BRMS1L: variants seen among roughly 807,000 people sequenced by gnomAD.
The protein encoded by BRMS1L is breast cancer metastasis-suppressor 1-like protein.
In BRMS1L, 23 loss-of-function variants were observed where a neutral mutation model predicts 50.3. That is an observed-to-expected ratio of 0.46 (90% CI 0.33 to 0.65). The LOEUF is 0.65. Ranked by LOEUF, BRMS1L falls within the 30% of genes least tolerant of loss-of-function variation. The pLI is 0.02. For synonymous variants in BRMS1L, 114 were observed against 126.9 expected (o/e 0.90, Z 0.69); for missense variants, 286 against 386.1 (o/e 0.74, Z 2.17).
At position 35,835,190 on chromosome 14, in the gene BRMS1L, C is replaced by T. The variant is rs189288320; in HGVS notation, c.441+267C>T. Among the ~76,000 whole-genome samples, 205 of 152,172 alleles carry T rather than the reference C, an allele frequency of 1.3e-3. 1 individual carries two copies. Among genetic ancestry groups the T allele is most frequent in the Non-Finnish European group, 8.2e-4 (56 of 68,000 alleles). On this transcript the variant is annotated intron_variant, in intron 4 of 9. Transcript: ENST00000216807. ...AAAAGACTTTGCAACGATTATGTCA[C>T]CTGGCATTACTGAAAATATTAGTAT...
At position 35,862,601 on chromosome 14, in the gene BRMS1L, G is replaced by A; in HGVS notation, c.453G>A (p.Leu151=). The change falls in exon 5 of 10, where the codon CTG becomes CTA. Residue 151 remains leucine, a synonymous_variant. Transcript: ENST00000216807. The stretch of plus-strand genomic sequence containing the variant: ...GTTTTTCTCCCCAGAGCGAAAAGCT[G>A]TTGCTATATGATACAGTCCAGAGTG... ...ASRQHCESEK[L]LLYDTVQSEL... The A allele has an allele frequency of 6.3e-7, 1 of 1,590,318 alleles. No homozygotes were observed. The highest frequency in any genetic ancestry group is 8.6e-7 in the Non-Finnish European group (1 of 1,168,194).
intron 8 of BRMS1L, 133 bp downstream of exon 8, chr14:35,865,894 G>T: frequency 3.8e-6 from 3 of 792,916 alleles, no homozygotes; most frequent in Non-Finnish European, 4.0e-6. Flanking sequence ...GAAATTATGA[G>T]GAATTCTTCT....
At position 35,863,883 on chromosome 14, in the gene BRMS1L, T is replaced by C; in HGVS notation, c.552T>C (p.Asp184=). The change falls in exon 6 of 10, where the codon GAT becomes GAC. Residue 184 remains aspartate, a synonymous_variant. Coordinates refer to ENST00000216807, the MANE Select transcript of BRMS1L (RefSeq NM_032352.4). Reference sequence around the variant, plus strand: ...TTTACCTGCCAGAGCTGTGGAATGATGAGCTTCAGTCAAGAAAAAAGAGGA... The same window carrying C: ...TTTACCTGCCAGAGCTGTGGAATGACGAGCTTCAGTCAAGAAAAAAGAGGA... ...SIDITSELWN[D]ELQSRKKRKD... is the part of the protein sequence containing the mutation. 1 of 1,613,984 alleles carries C rather than the reference T, an allele frequency of 6.2e-7. No individual in the cohort carries two copies. Among genetic ancestry groups the C allele is most frequent in the Non-Finnish European group, 8.5e-7 (1 of 1,179,916 alleles).
At chr14:35,863,837 C>G (rs1163207669) in intron 5 of BRMS1L, 33 bp from the exon 6 acceptor site, 3 of 1,572,656 alleles carry the variant, frequency 1.9e-6, no homozygotes, top group Non-Finnish European at 2.6e-6. Context: ...TCACCAGAAA[C>G]CCACTAATAC....
At position 35,826,633 on chromosome 14, in the gene BRMS1L, G is replaced by C. The variant is rs1041562211; in HGVS notation, c.117G>C (p.Ser39=). ...SSEDEDTESS[S]VSEDGDSSEM... ...AGGACGAGGACACTGAGAGCTCGTC[G>C]GTCTCCGAGGATGGAGATAGCTCAG... Residue 39 remains serine, a synonymous_variant, in exon 1 of 10, where the codon TCG becomes TCC. Coordinates refer to ENST00000216807, the MANE Select transcript of BRMS1L (RefSeq NM_032352.4). 2 of 1,612,342 alleles carry C rather than the reference G, an allele frequency of 1.2e-6. No homozygotes were observed. The highest frequency in any genetic ancestry group is 1.1e-5 in the South Asian group (1 of 90,530).
chr14:35,830,580 A>G (rs545325391), intron 1 of BRMS1L, among the ~76,000 whole-genome samples: 1 of 151,372 alleles, frequency 6.6e-6, no homozygotes, highest in South Asian at 2.1e-4. Flanking sequence ...CTGGTCTTGA[A>G]CGCTTGAGCT....
Position 35,870,520 on chromosome 14 carries a change from C to A in BRMS1L, c.*43C>A. On this transcript the variant is annotated 3_prime_UTR_variant, in exon 10 of 10. Transcript: ENST00000216807. ...TCTAAATTTACCTTATTAGTGTTAC[C>A]AAATGTAAGTGCCATGAGAGTAAAA... 1 of 1,218,230 alleles carries A rather than the reference C, an allele frequency of 8.2e-7. No homozygotes were observed. The highest frequency in any genetic ancestry group is 1.2e-6 in the Non-Finnish European group (1 of 841,658). 75.5% of individuals were successfully genotyped at this position (1,218,230 alleles called of 1,614,324 possible).
At chr14:35,850,068 C>T (rs145729038) in intron 4 of BRMS1L, among the ~76,000 whole-genome samples, 38 of 152,164 alleles carry the variant, frequency 2.5e-4, no homozygotes, top group Middle Eastern at 3.4e-3. Context: ...GTGATCCACC[C>T]GCCTCGGCCT....
At chr14:35,846,922 CAT>C (rs1262657128) in intron 4 of BRMS1L, among the ~76,000 whole-genome samples, 1 of 151,958 alleles carries the variant, frequency 6.6e-6, no homozygotes, top group African/African-American at 2.4e-5. Context: ...CTGAGGGAAA[CAT>C]GTCAGAATTT....
chr14:35,834,958 C>T (rs1478965085), intron 4 of BRMS1L, 35 bp downstream of exon 4: 1 of 1,537,970 alleles, frequency 6.5e-7, no homozygotes, highest in Non-Finnish European at 8.8e-7. Flanking sequence ...AAGCTAATTT[C>T]ATCTCTTCAA....
intron 9 of BRMS1L, among the ~76,000 whole-genome samples, chr14:35,869,236 T>C (rs1379119097): frequency 6.6e-6 from 1 of 152,198 alleles, no homozygotes; most frequent in Non-Finnish European, 1.5e-5. Flanking sequence ...ATTTTACTAC[T>C]ACTTAGCATA....
At chr14:35,832,205 A>T (rs1466167410) in intron 2 of BRMS1L, among the ~76,000 whole-genome samples, 3 of 152,060 alleles carry the variant, frequency 2.0e-5, no homozygotes, top group Non-Finnish European at 4.4e-5. Context: ...TTGCTCTTTT[A>T]AAAAATTAAG....
intron 5 of BRMS1L, 129 bp from the exon 6 acceptor site, chr14:35,863,740 AT>A (rs539267829): frequency 6.5e-4 from 466 of 720,014 alleles, no homozygotes; most frequent in Non-Finnish European, 1.0e-3. Flanking sequence ...CTTAATCTAT[AT>A]ATACCCAGCT....
rs535206711 is a variant in BRMS1L, at chr14:35,827,005, A to C, written c.142+347A>C. Reference sequence around the variant, plus strand: ...CCCCAGCCCACCGACCTCTTTCCCTATTTTCACCTTTGCAACCCTCACTTC... The same window carrying C: ...CCCCAGCCCACCGACCTCTTTCCCTCTTTTCACCTTTGCAACCCTCACTTC... On this transcript the variant is annotated intron_variant, in intron 1 of 9. Transcript: ENST00000216807. Among the ~76,000 whole-genome samples the C allele has an allele frequency of 2.0e-5, 3 of 152,180 alleles. No individual in the cohort carries two copies. The South Asian group carries it at 6.2e-4, about 32-fold the overall frequency.
At chr14:35,828,759 G>A (rs779258043) in intron 1 of BRMS1L, among the ~76,000 whole-genome samples, 1 of 151,966 alleles carries the variant, frequency 6.6e-6, no homozygotes, top group East Asian at 1.9e-4. Context: ...CCTGGCCGAC[G>A]TGTTGCTTTT....
chr14:35,866,200 AT>A (rs538963954), intron 8 of BRMS1L: 66 of 153,178 alleles, frequency 4.3e-4, no homozygotes, highest in Non-Finnish European at 7.5e-4. Flanking sequence ...CACTTCCTTG[AT>A]TTTTTTTTTG....
chr14:35,852,478 T>C (rs2078224214), intron 4 of BRMS1L, among the ~76,000 whole-genome samples: 1 of 152,234 alleles, frequency 6.6e-6, no homozygotes, highest in African/African-American at 2.4e-5. Context: ...TCTGGTGTAT[T>C]TCCATTTGTG....
chr14:35,856,664 T>A (rs1328405305), intron 4 of BRMS1L, among the ~76,000 whole-genome samples: 1 of 151,196 alleles, frequency 6.6e-6, no homozygotes, highest in Non-Finnish European at 1.5e-5. Flanking sequence ...CCGGGTGGAG[T>A]GTAGTGGCGC....
At chr14:35,836,299 A>C (rs1354204845) in intron 4 of BRMS1L, among the ~76,000 whole-genome samples, 2 of 152,020 alleles carry the variant, frequency 1.3e-5, no homozygotes, top group South Asian at 2.1e-4. Context: ...TTTACATTTT[A>C]ATGTAGTTGA....
Sources: allele counts gnomAD v4.1 joint callset (sites outside exome capture counted in the v4.1 genomes callset), GRCh38; gene constraint gnomAD v4.1.1; transcripts MANE v1.5; gene names NCBI Gene and HGNC (gene_info 2026-07-23, HGNC 2026-07-21).